Variants in SERPINI2 observed in about 807,000 individuals in gnomAD.
The protein encoded by SERPINI2 is serpin I2.
A neutral mutation model predicts 47.3 loss-of-function variants in SERPINI2; 48 were observed. That is an observed-to-expected ratio of 1.02 (90% CI 0.81 to 1.29). The LOEUF is 1.29. SERPINI2 is among the 50% of genes most tolerant of loss of function. The pLI is 0.00. For missense variants in SERPINI2, 448 were observed against 456.9 expected, an observed-to-expected ratio of 0.98 and a Z score of 0.18; for synonymous variants, 135 against 149.3, an observed-to-expected ratio of 0.90 and a Z score of 0.70.
chr3:167,452,972 T>C, exon 6 of SERPINI2: 2 of 1,608,212 alleles, frequency 1.2e-6, no homozygotes, highest in Non-Finnish European at 1.7e-6. Flanking sequence ...CCACTAAATA[T>C]CTCGGTTATG....
At chr3:167,450,657 C>A in intron 6 of SERPINI2, among the ~76,000 whole-genome samples, 1 of 150,008 alleles carries the variant, frequency 6.7e-6, no homozygotes, top group East Asian at 1.9e-4. Flanking sequence ...AACTGAAATG[C>A]GAGAGAATTT....
intron 2 of SERPINI2, among the ~76,000 whole-genome samples, chr3:167,467,952 A>C (rs1168057858): frequency 6.6e-6 from 1 of 152,188 alleles, no homozygotes; most frequent in Non-Finnish European, 1.5e-5. Flanking sequence ...GGTCAACTAA[A>C]AGAATCACTT....
chr3:167,455,906 C>T (rs1381481267), intron 5 of SERPINI2, among the ~76,000 whole-genome samples: 2 of 152,086 alleles, frequency 1.3e-5, no homozygotes, highest in African/African-American at 4.8e-5. Flanking sequence ...GAAATTTGCC[C>T]CCATGATCCC....
upstream of SERPINI2, among the ~76,000 whole-genome samples, chr3:167,475,954 G>T (rs1215676719): frequency 6.6e-6 from 1 of 151,694 alleles, no homozygotes; most frequent in Non-Finnish European, 1.5e-5. Context: ...CATCAGTAAA[G>T]AACTTAAAAG....
At chr3:167,460,742 A>G (rs186850624) in intron 5 of SERPINI2, among the ~76,000 whole-genome samples, 1 of 152,308 alleles carries the variant, frequency 6.6e-6, no homozygotes, top group Admixed American at 6.5e-5. Context: ...CTCAAAGAGA[A>G]TAAATTAGAG....
chr3:167,459,587 A>G (rs1749925329), intron 5 of SERPINI2, among the ~76,000 whole-genome samples: 1 of 152,090 alleles, frequency 6.6e-6, no homozygotes, highest in Non-Finnish European at 1.5e-5. Context: ...AAAAGAGGGA[A>G]AGGAGAAGTA....
chr3:167,446,343 G>C, intron 8 of SERPINI2, 49 bp downstream of exon 8: 1 of 1,267,654 alleles, frequency 7.9e-7, no homozygotes, highest in Non-Finnish European at 1.1e-6. Context: ...ACTGGAACTA[G>C]TTCTGCTTAA....
chr3:167,464,561 G>A (rs1334266782), intron 5 of SERPINI2, among the ~76,000 whole-genome samples: 1 of 151,832 alleles, frequency 6.6e-6, no homozygotes, highest in Non-Finnish European at 1.5e-5. Flanking sequence ...TAAAACGACA[G>A]TATATAATCT....
chr3:167,476,886 G>A (rs559820490), upstream of SERPINI2, among the ~76,000 whole-genome samples: 16 of 152,028 alleles, frequency 1.1e-4, no homozygotes, highest in Non-Finnish European at 2.2e-4. Context: ...TTTGGTACCC[G>A]CATTCTACTT....
upstream of SERPINI2, among the ~76,000 whole-genome samples, chr3:167,476,286 G>T (rs1196903348): frequency 6.6e-6 from 1 of 151,824 alleles, no homozygotes; most frequent in Non-Finnish European, 1.5e-5. Flanking sequence ...AAAATTAGAT[G>T]CTGTGAGTTA....
intron 5 of SERPINI2, among the ~76,000 whole-genome samples, chr3:167,460,804 G>C (rs1022362980): frequency 1.3e-5 from 2 of 152,080 alleles, no homozygotes; most frequent in Non-Finnish European, 2.9e-5. Flanking sequence ...TAAATAAAGA[G>C]AAATAATATA....
intron 1 of SERPINI2, 38 bp from the exon 2 acceptor site, chr3:167,471,882 T>C (rs17246424): frequency 0.013 from 19,997 of 1,524,502 alleles, 296 homozygotes; most frequent in Non-Finnish European, 0.012. Context: ...ATTTTCAAAA[T>C]AGAGTTTTCC....
intron 5 of SERPINI2, among the ~76,000 whole-genome samples, chr3:167,464,010 T>TTC (rs1553856082): frequency 2.7e-5 from 2 of 75,244 alleles, no homozygotes; most frequent in African/African-American, 7.6e-5. Flanking sequence ...CAGGAGTGGC[T>TTC]TTTTTTTTTT....
chr3:167,462,510 G>A (rs1036382506), intron 5 of SERPINI2, among the ~76,000 whole-genome samples: 1 of 152,034 alleles, frequency 6.6e-6, no homozygotes, highest in South Asian at 2.1e-4. Flanking sequence ...TTCCTTTTTA[G>A]ATGACAACAG....
intron 2 of SERPINI2, among the ~76,000 whole-genome samples, chr3:167,468,934 G>A (rs979406046): frequency 6.6e-6 from 1 of 152,132 alleles, no homozygotes; most frequent in African/African-American, 2.4e-5. Flanking sequence ...TAAAAAAAGA[G>A]AGAAAGGGAG....
intron 6 of SERPINI2, among the ~76,000 whole-genome samples, chr3:167,450,412 A>AAC (rs1384744782): frequency 1.3e-5 from 2 of 152,204 alleles, no homozygotes; most frequent in African/African-American, 2.4e-5. Flanking sequence ...GAAGAAGTGA[A>AAC]ACCCGGAGCC....
intron 5 of SERPINI2, among the ~76,000 whole-genome samples, chr3:167,459,681 GTTTT>G (rs11346005): frequency 5.6e-5 from 6 of 108,034 alleles, no homozygotes; most frequent in African/African-American, 1.7e-4. Context: ...CTTATGGGTG[GTTTT>G]TTTTTTTTTT....
At chr3:167,474,651 A>C (rs1467645389), upstream of SERPINI2, among the ~76,000 whole-genome samples, 1 of 151,762 alleles carries the variant, frequency 6.6e-6, no homozygotes, top group Non-Finnish European at 1.5e-5. Flanking sequence ...AAAATATATC[A>C]GGACAATACT....
At chr3:167,464,393 T>C (rs191850302) in intron 5 of SERPINI2, among the ~76,000 whole-genome samples, 253 of 152,028 alleles carry the variant, frequency 1.7e-3, no homozygotes, top group African/African-American at 5.9e-3. Flanking sequence ...GACAAAAACA[T>C]TAAAAATGTT....
Sources: allele counts gnomAD v4.1 joint callset (sites outside exome capture counted in the v4.1 genomes callset), GRCh38; gene constraint gnomAD v4.1.1; transcripts MANE v1.5; gene names NCBI Gene and HGNC (gene_info 2026-07-23, HGNC 2026-07-21).